Variants in AGBL1 observed in about 807,000 individuals in gnomAD.
AGBL1 encodes AGBL carboxypeptidase 1.
Under a neutral mutation model 118.9 loss-of-function variants are expected in AGBL1, and 130 were observed. That is an observed-to-expected ratio of 1.09 (90% CI 0.95 to 1.26). The LOEUF is 1.26. AGBL1 is among the 50% of genes most tolerant of loss of function. AGBL1 has a pLI of 0.00. For missense variants in AGBL1, 1,584 were observed against 1,298.1 expected, an observed-to-expected ratio of 1.22 and a Z score of -3.38; for synonymous variants, 555 against 478.9, an observed-to-expected ratio of 1.16 and a Z score of -2.08.
chr15:86,279,502 GA>G (rs1177022479), intron 15 of AGBL1, 136 bp from the exon 16 acceptor site: 2 of 810,052 alleles, frequency 2.5e-6, no homozygotes, highest in East Asian at 2.7e-5. Context: ...TTCACCCACA[GA>G]AATGTTTCAA....
intron 22 of AGBL1, among the ~76,000 whole-genome samples, chr15:86,754,913 C>A (rs1270440480): frequency 3.9e-5 from 6 of 152,068 alleles, no homozygotes; most frequent in Non-Finnish European, 5.9e-5. Context: ...TCTCTCATAT[C>A]CATCCTTTGC....
In AGBL1 at chr15:86,710,302, G is replaced by A. The variant is rs118012002; in HGVS notation, c.3158+35866G>A. ...GATGCACGTGATTAGAGAATTCATC[G>A]CTTTACTTAGTAAGACCTATTAGAC... On this transcript the variant is annotated intron_variant, in intron 22 of 22. Coordinates refer to ENST00000614907, the MANE Select transcript of AGBL1 (RefSeq NM_001386094.1). Among the ~76,000 whole-genome samples the A allele has an allele frequency of 1.2e-4, 19 of 152,224 alleles. No homozygotes were observed. The East Asian group carries it at 3.3e-3, about 26-fold the overall frequency.
At chr15:86,548,690 C>CACACACAG (rs972506445) in intron 20 of AGBL1, among the ~76,000 whole-genome samples, 7 of 151,562 alleles carry the variant, frequency 4.6e-5, no homozygotes, top group Admixed American at 4.6e-4. Flanking sequence ...CACACACACA[C>CACACACAG]ACACACAGCC....
chr15:86,506,695 G>A (rs1441291125), intron 18 of AGBL1, among the ~76,000 whole-genome samples: 1 of 152,050 alleles, frequency 6.6e-6, no homozygotes, highest in Non-Finnish European at 1.5e-5. Context: ...AGTGAAAGGA[G>A]AAAACAACCC....
intron 18 of AGBL1, among the ~76,000 whole-genome samples, chr15:86,442,247 G>A (rs780648139): frequency 3.9e-5 from 6 of 152,208 alleles, no homozygotes; most frequent in Non-Finnish European, 8.8e-5. Flanking sequence ...AGCAGGCTGA[G>A]AGTGAAGGAG....
intron 6 of AGBL1, among the ~76,000 whole-genome samples, chr15:86,245,459 T>G (rs1267431272): frequency 6.6e-6 from 1 of 152,132 alleles, no homozygotes; most frequent in African/African-American, 2.4e-5. Context: ...AGTCAGCAGG[T>G]TAGAGCCCTG....
chr15:87,007,524 A>G (rs1327071340), intron 24 of AGBL1, among the ~76,000 whole-genome samples: 1 of 152,198 alleles, frequency 6.6e-6, no homozygotes, highest in Non-Finnish European at 1.5e-5. Context: ...CTTGATACAA[A>G]TATATTGCTA....
At chr15:86,243,879 G>A (rs1309201723) in intron 6 of AGBL1, among the ~76,000 whole-genome samples, 1 of 151,938 alleles carries the variant, frequency 6.6e-6, no homozygotes, top group Non-Finnish European at 1.5e-5. Flanking sequence ...AATTAGCCGG[G>A]TGTAGTGGCG....
intron 19 of AGBL1, among the ~76,000 whole-genome samples, chr15:86,532,984 G>A (rs903501187): frequency 1.9e-5 from 2 of 103,256 alleles, no homozygotes; most frequent in East Asian, 3.0e-4. Flanking sequence ...AGATTTAAAC[G>A]TTAGACCTAA....
chr15:86,476,301 T>C (rs2082558038), intron 18 of AGBL1, among the ~76,000 whole-genome samples: 1 of 151,986 alleles, frequency 6.6e-6, no homozygotes, highest in Non-Finnish European at 1.5e-5. Context: ...GGATAAAGAA[T>C]CAAAACCCAT....
chr15:86,934,949 AC>A (rs2080649910), intron 23 of AGBL1: 1 of 152,230 alleles, frequency 6.6e-6, no homozygotes, highest in South Asian at 2.1e-4. Flanking sequence ...TCCTGATATC[AC>A]ACCAAATTTT....
intron 5 of AGBL1, among the ~76,000 whole-genome samples, chr15:86,189,979 C>G (rs1234164079): frequency 1.3e-5 from 2 of 151,994 alleles, no homozygotes; most frequent in Non-Finnish European, 2.9e-5. Flanking sequence ...ATAGTTTTGC[C>G]TACATAAAAG....
intron 22 of AGBL1, among the ~76,000 whole-genome samples, chr15:86,792,486 T>C (rs2078508763): frequency 6.6e-6 from 1 of 152,170 alleles, no homozygotes; most frequent in Non-Finnish European, 1.5e-5. Context: ...GCCTGTAAGA[T>C]TTTTATTGGG....
intron 3 of AGBL1, among the ~76,000 whole-genome samples, chr15:86,147,539 G>A (rs946099618): frequency 6.6e-6 from 1 of 152,206 alleles, no homozygotes; most frequent in South Asian, 2.1e-4. Flanking sequence ...AATCTGTGAG[G>A]CAGCAGCCTG....
At chr15:86,954,485 T>A (rs2080910379) in intron 23 of AGBL1, among the ~76,000 whole-genome samples, 1 of 152,172 alleles carries the variant, frequency 6.6e-6, no homozygotes, top group Non-Finnish European at 1.5e-5. Flanking sequence ...AAGATTGAAA[T>A]CATGTCCTTT....
At chr15:86,520,321 T>C (rs953694787) in intron 18 of AGBL1, among the ~76,000 whole-genome samples, 4 of 152,184 alleles carry the variant, frequency 2.6e-5, no homozygotes, top group Non-Finnish European at 1.5e-5. Context: ...TTTCATTCGA[T>C]CCTCAAAATA....
chr15:86,501,002 T>A (rs2082911655), intron 18 of AGBL1, among the ~76,000 whole-genome samples: 1 of 151,724 alleles, frequency 6.6e-6, no homozygotes, highest in African/African-American at 2.4e-5. Flanking sequence ...TTAGTTCTCT[T>A]GGATATATAT....
At chr15:86,279,589 C>T (rs760233446) in intron 15 of AGBL1, 50 bp from the exon 16 acceptor site, 3 of 1,574,970 alleles carry the variant, frequency 1.9e-6, no homozygotes, top group East Asian at 2.3e-5. Context: ...ACCCTGCACC[C>T]CCCTCCCACC....
intron 18 of AGBL1, among the ~76,000 whole-genome samples, chr15:86,462,362 G>A (rs1317809178): frequency 6.6e-6 from 1 of 152,026 alleles, no homozygotes; most frequent in Non-Finnish European, 1.5e-5. Flanking sequence ...CTTTATTTAA[G>A]TTGTTCGCTG....
Sources: allele counts gnomAD v4.1 joint callset (sites outside exome capture counted in the v4.1 genomes callset), GRCh38; gene constraint gnomAD v4.1.1; transcripts MANE v1.5; gene names NCBI Gene and HGNC (gene_info 2026-07-23, HGNC 2026-07-21).